MGAT4D: variants seen among roughly 807,000 people sequenced by gnomAD.
MGAT4D encodes MGAT4 family member D, also known as alpha-1,3-mannosyl-glycoprotein 4-beta-N-acetylglucosaminyltransferase-like protein MGAT4D.
In MGAT4D, 34 loss-of-function variants were observed where a neutral mutation model predicts 15.9. The ratio of observed to expected loss-of-function variants is 2.14; its 90% CI spans 1.62 to 2.84. The LOEUF (loss-of-function observed/expected upper bound fraction) is 2.84. MGAT4D is among the 30% of genes most tolerant of loss of function. The pLI is 0.00. For synonymous variants in MGAT4D, 112 were observed against 48.2 expected, an observed-to-expected ratio of 2.33 and a Z score of -5.49; for missense variants, 327 against 140.2, an observed-to-expected ratio of 2.33 and a Z score of -6.73.
At chr4:140,463,795 A>T (rs1731350220) in intron 6 of MGAT4D, among the ~76,000 whole-genome samples, 1 of 152,212 alleles carries the variant, frequency 6.6e-6, no homozygotes, top group Non-Finnish European at 1.5e-5. Flanking sequence ...GAAGTTAATG[A>T]TTGCAAGGTT....
intron 1 of MGAT4D, among the ~76,000 whole-genome samples, chr4:140,493,115 A>C (rs1393452670): frequency 6.6e-6 from 1 of 152,168 alleles, no homozygotes; most frequent in African/African-American, 2.4e-5. Flanking sequence ...AAAAGAAGAC[A>C]TGTAATACAT....
intron 8 of MGAT4D, chr4:140,457,729 G>C (rs1166224061): frequency 6.6e-6 from 1 of 152,168 alleles, no homozygotes; most frequent in African/African-American, 2.4e-5. Context: ...CATTCTCTAT[G>C]TGTCTCTTAC....
In MGAT4D at chr4:140,498,072, T is replaced by C. The variant is rs529321123; in HGVS notation, c.94+57A>G. ...GCCGACCCTGCCCCGCCTGCATTCC[T>C]GCAGCCCCGAAGCCCCCGCGGCGGG... On this transcript the variant is annotated intron_variant, in intron 1 of 10. Transcript: ENST00000511113. 2.1e-4 allele frequency: 142 copies of C among 687,384 alleles called. 1 individual carries two copies. In the African/African-American group the frequency reaches 2.1e-3, roughly 10 times the overall value. 42.6% of individuals were successfully genotyped at this position (687,384 alleles called of 1,614,324 possible). A position where few individuals can be genotyped will look rare whatever the true frequency, so the allele number is the denominator to read the frequency against.
Position 140,443,445 on chromosome 4 carries a change from C to T in MGAT4D, c.1117-1G>A. The stretch of plus-strand genomic sequence containing the variant: ...TTCTTCTTATTTATCTTCATATTTT[C>T]TGAAATGAAAACAAAAAATGTAACA... On this transcript the variant is annotated splice_acceptor_variant, in intron 10 of 10. Coordinates refer to ENST00000511113, the MANE Select transcript of MGAT4D (RefSeq NM_001277353.2). LOFTEE classifies it high-confidence loss of function. 1 of 540,596 alleles carries T rather than the reference C, an allele frequency of 1.8e-6. No individual in the cohort carries two copies. Among genetic ancestry groups the T allele is most frequent in the Non-Finnish European group, 3.3e-6 (1 of 301,542 alleles). The allele number at this position is 540,596 out of a possible 1,614,324, so 33.5% of individuals were successfully genotyped here.
chr4:140,482,516 C>A, intron 1 of MGAT4D, 31 bp from the exon 2 acceptor site: 1 of 582,374 alleles, frequency 1.7e-6, no homozygotes, highest in Non-Finnish European at 3.0e-6. Flanking sequence ...TATATTTGTA[C>A]ATGTAGCAAT....
intron 5 of MGAT4D, among the ~76,000 whole-genome samples, chr4:140,468,919 C>T (rs1029789674): frequency 3.3e-5 from 5 of 152,030 alleles, no homozygotes; most frequent in Non-Finnish European, 7.4e-5. Flanking sequence ...AATTTTTCTA[C>T]TCTTTCACCT....
intron 10 of MGAT4D, among the ~76,000 whole-genome samples, chr4:140,449,646 GCTA>G (rs1730347057): frequency 6.6e-6 from 1 of 152,168 alleles, no homozygotes; most frequent in Non-Finnish European, 1.5e-5. Flanking sequence ...TGTAGTCCCA[GCTA>G]CTTGGGAGGC....
At chr4:140,454,012 A>ATG (rs34758499) in intron 9 of MGAT4D, among the ~76,000 whole-genome samples, 9,183 of 148,132 alleles carry the variant, frequency 0.062, 533 homozygotes, top group African/African-American at 0.16. Flanking sequence ...TCTAGGATGT[A>ATG]TGTGTGTGTG....
At chr4:140,478,719 C>T (rs1319283402) in intron 3 of MGAT4D, among the ~76,000 whole-genome samples, 1 of 150,460 alleles carries the variant, frequency 6.6e-6, no homozygotes, top group Non-Finnish European at 1.5e-5. Flanking sequence ...TACAAAACAA[C>T]ACTACTTATT....
At chr4:140,494,902 T>C (rs1483307988) in intron 1 of MGAT4D, among the ~76,000 whole-genome samples, 9 of 152,282 alleles carry the variant, frequency 5.9e-5, no homozygotes, top group South Asian at 4.1e-4. Context: ...AGCGCTAAGG[T>C]TGAGAAACCC....
Position 140,474,850 on chromosome 4 carries a change from TG to T in MGAT4D, c.487del (p.Gln163LysfsTer6). The T allele has an allele frequency of 1.4e-6, 1 of 698,340 alleles. No individual in the cohort carries two copies. The highest frequency in any genetic ancestry group is 2.6e-6 in the Non-Finnish European group (1 of 383,344). 43.3% of individuals were successfully genotyped at this position (698,340 alleles called of 1,614,324 possible). A position where few individuals can be genotyped will look rare whatever the true frequency, so the allele number is the denominator to read the frequency against. ...TSVVSRMTLSQEKDSVVIVLV... is the reference protein window; with the variant it reads ...TSVVSRMTLSXEKDSVVIVLV... The stretch of plus-strand genomic sequence containing the variant: ...GACAATCACTACAGAATCCTTCTCT[TG>T]GGAGAGCGTCATCCTGGAGACAACA... On this transcript the variant is annotated frameshift_variant, in exon 4 of 11. Coordinates refer to ENST00000511113, the MANE Select transcript of MGAT4D (RefSeq NM_001277353.2). LOFTEE classifies it high-confidence loss of function.
intron 1 of MGAT4D, among the ~76,000 whole-genome samples, chr4:140,496,036 C>A (rs1181661458): frequency 6.6e-6 from 1 of 152,026 alleles, no homozygotes; most frequent in African/African-American, 2.4e-5. Context: ...CTGCGCCTGG[C>A]AAAATTTAGT....
At chr4:140,484,907 G>T (rs1160751748) in intron 1 of MGAT4D, among the ~76,000 whole-genome samples, 1 of 152,180 alleles carries the variant, frequency 6.6e-6, no homozygotes, top group African/African-American at 2.4e-5. Context: ...AAACAACAGT[G>T]CTGGAGAGGA....
At chr4:140,468,695 G>T (rs1423834083) in intron 5 of MGAT4D, among the ~76,000 whole-genome samples, 2 of 151,994 alleles carry the variant, frequency 1.3e-5, no homozygotes, top group African/African-American at 4.8e-5. Context: ...TCTTTTAGGG[G>T]AAAAACTACA....
chr4:140,456,659 T>C lies in MGAT4D; in HGVS notation c.938A>G (p.Lys313Arg), dbSNP rs1053544230. Residue 313 changes from lysine (K) to arginine (R), a missense_variant, in exon 9 of 11, where the codon AAA (lysine) becomes AGA (arginine). Physicochemically the swap from Lys to Arg is conservative, Grantham distance 26 (BLOSUM62 2). Coordinates refer to ENST00000511113, the MANE Select transcript of MGAT4D (RefSeq NM_001277353.2). ...HFVRFFLMFY[K>R]EKPIDWLLND... ...CAAGAGCCAGTCTATGGGTTTCTCT[T>C]TGTAGAACATTAAAAAAAACCGTAC... 13 of 698,922 alleles carry C rather than the reference T, an allele frequency of 1.9e-5. No individual in the cohort carries two copies. The highest frequency in any genetic ancestry group is 3.4e-5 in the Non-Finnish European group (13 of 383,072). 43.3% of individuals were successfully genotyped at this position (698,922 alleles called of 1,614,324 possible). A position where few individuals can be genotyped will look rare whatever the true frequency, so the allele number is the denominator to read the frequency against.
intron 1 of MGAT4D, among the ~76,000 whole-genome samples, chr4:140,486,681 G>A (rs560960279): frequency 7.2e-5 from 11 of 152,272 alleles, no homozygotes; most frequent in South Asian, 2.1e-4. Flanking sequence ...CTGAAACAGC[G>A]ATTTGCATAT....
chr4:140,455,293 G>A (rs1474296560), intron 9 of MGAT4D, among the ~76,000 whole-genome samples: 1 of 152,140 alleles, frequency 6.6e-6, no homozygotes, highest in African/African-American at 2.4e-5. Context: ...ATTTCAAAGA[G>A]TTGTCTAATT....
At chr4:140,448,346 A>G (rs1294344570) in intron 10 of MGAT4D, among the ~76,000 whole-genome samples, 1 of 152,174 alleles carries the variant, frequency 6.6e-6, no homozygotes, top group Non-Finnish European at 1.5e-5. Flanking sequence ...CTAGTGATTC[A>G]TAGATCTGGC....
Position 140,482,469 on chromosome 4 carries a change from G to T in MGAT4D, c.111C>A (p.Asn37Lys). The T allele has an allele frequency of 1.6e-6, 1 of 629,630 alleles. No homozygotes were observed. The highest frequency in any genetic ancestry group is 1.8e-5 in the South Asian group (1 of 54,876). 39.0% of individuals were successfully genotyped at this position (629,630 alleles called of 1,614,324 possible). The change falls in exon 2 of 11, where the codon AAC becomes AAA. Residue 37 changes from asparagine to lysine, a missense_variant. Physicochemically the swap from Asn to Lys is moderately conservative, Grantham distance 94. Transcript: ENST00000511113. Reference sequence around the variant, plus strand: ...TAAACTCCAAAATATGGTTTCTACAGTTAATTAATTGATTATCTGCAATGA... The same window carrying T: ...TAAACTCCAAAATATGGTTTCTACATTTAATTAATTGATTATCTGCAATGA... ...RITQTNNQLI[N>K]CRNHILEFKE...
Sources: allele counts gnomAD v4.1 joint callset (sites outside exome capture counted in the v4.1 genomes callset), GRCh38; gene constraint gnomAD v4.1.1; transcripts MANE v1.5; gene names NCBI Gene and HGNC (gene_info 2026-07-23, HGNC 2026-07-21).